The following WWP1 variants were observed in gnomAD, a reference collection of about 807,000 sequenced individuals.
WWP1 encodes NEDD4-like E3 ubiquitin-protein ligase WWP1.
A neutral mutation model predicts 130.6 loss-of-function variants in WWP1; 49 were observed. The observed-to-expected ratio is 0.38, with a 90% CI of 0.30 to 0.48. WWP1 has a LOEUF of 0.48. Among genes scored for constraint, WWP1 ranks in the 20% least tolerant of loss-of-function variants. WWP1 has a pLI of 0.99. For missense variants in WWP1, 809 were observed against 1,100.6 expected (o/e 0.74, Z 3.75); for synonymous variants, 332 against 367.8 (o/e 0.90, Z 1.11).
chr8:86,463,655 A>C (rs1299645491), intron 24 of WWP1, among the ~76,000 whole-genome samples: 1 of 152,034 alleles, frequency 6.6e-6, no homozygotes, highest in African/African-American at 2.4e-5. Context: ...TATATAATTA[A>C]ATGTGTCAAC....
chr8:86,363,723 G>A, intron 1 of WWP1, among the ~76,000 whole-genome samples: 1 of 150,308 alleles, frequency 6.7e-6, no homozygotes, highest in East Asian at 2.0e-4. Context: ...TTGAACCTGG[G>A]AGGCAGAGGT....
At chr8:86,420,356 G>A (rs1344969623) in intron 9 of WWP1, among the ~76,000 whole-genome samples, 1 of 152,114 alleles carries the variant, frequency 6.6e-6, no homozygotes, top group Non-Finnish European at 1.5e-5. Flanking sequence ...AAATGGAAGT[G>A]GAGATAATTT....
chr8:86,401,018 T>G (rs994419188), intron 7 of WWP1, among the ~76,000 whole-genome samples: 1 of 152,026 alleles, frequency 6.6e-6, no homozygotes, highest in African/African-American at 2.4e-5. Context: ...TTTGTTTTTT[T>G]TTTTTTTAAA....
At chr8:86,373,908 G>C (rs1824476778) in intron 2 of WWP1, 122 bp from the exon 3 acceptor site, 1 of 703,364 alleles carries the variant, frequency 1.4e-6, no homozygotes, top group Non-Finnish European at 2.3e-6. Context: ...GATGGTAATA[G>C]GCTTGATAAT....
rs563429029 is a variant in WWP1 at position 86,463,834 on chromosome 8, G to A, written c.2669+1988G>A. Among the ~76,000 whole-genome samples the A allele has an allele frequency of 1.1e-4, 16 of 152,154 alleles. No individual in the cohort carries two copies. In the South Asian group the frequency reaches 2.3e-3, roughly 22 times the overall value. ...CCAGCACTTTGGAAGGCCGAGGTGG[G>A]AGGATCGCTTGAGCTCAGGAGTTCG... On this transcript the variant is annotated intron_variant, in intron 24 of 24. Transcript: ENST00000517970.
chr8:86,405,941 G>A (rs975795159), intron 8 of WWP1, among the ~76,000 whole-genome samples: 1 of 152,108 alleles, frequency 6.6e-6, no homozygotes, highest in South Asian at 2.1e-4. Context: ...TAAGACAAAC[G>A]ATATATTTCT....
At chr8:86,445,976 C>CT (rs56731329) in intron 18 of WWP1, among the ~76,000 whole-genome samples, 900 of 84,984 alleles carry the variant, frequency 0.011, 70 homozygotes, top group Non-Finnish European at 0.016. Context: ...CTTTTCTTTT[C>CT]TTTTTTTTTT....
intron 5 of WWP1, among the ~76,000 whole-genome samples, chr8:86,389,363 C>T (rs973085873): frequency 1.3e-5 from 2 of 152,070 alleles, no homozygotes; most frequent in East Asian, 1.9e-4. Context: ...TGACTCTTAA[C>T]GAGTATGCTG....
chr8:86,410,026 G>A (rs28384362), intron 8 of WWP1, among the ~76,000 whole-genome samples: 22,389 of 151,996 alleles, frequency 0.15, 1,801 homozygotes, highest in Non-Finnish European at 0.19. Context: ...ATCATATGAC[G>A]TTTATCCTTT....
chr8:86,343,277 C>T (rs1256836526), intron 1 of WWP1: 1 of 154,490 alleles, frequency 6.5e-6, no homozygotes, highest in East Asian at 1.9e-4. Context: ...TAACACCTCC[C>T]TGAAAACACA....
At chr8:86,443,786 T>C (rs1810718116) in intron 18 of WWP1, among the ~76,000 whole-genome samples, 1 of 152,210 alleles carries the variant, frequency 6.6e-6, no homozygotes. Flanking sequence ...TGCAGATATC[T>C]TGGAGACTAT....
In WWP1 at chr8:86,381,417, G is replaced by A. The variant is rs983673208; in HGVS notation, c.210-88G>A. On this transcript the variant is annotated intron_variant, in intron 4 of 24. Transcript: ENST00000517970. ...AATTCACGGTTTTTAAAACATTACT[G>A]AAATAAATGCTTTAATAGGAATTGT... is the stretch of plus-strand genomic sequence containing the variant. The A allele has an allele frequency of 1.7e-5, 24 of 1,442,096 alleles. No homozygotes were observed. The African/African-American group carries it at 3.4e-4, about 20-fold the overall frequency. The allele number at this position is 1,442,096 out of a possible 1,614,324, so 89.3% of individuals were successfully genotyped here. A position where few individuals can be genotyped will look rare whatever the true frequency, so the allele number is the denominator to read the frequency against.
intron 9 of WWP1, among the ~76,000 whole-genome samples, chr8:86,424,561 G>A (rs1273004504): frequency 2.6e-5 from 4 of 151,732 alleles, no homozygotes; most frequent in Non-Finnish European, 5.9e-5. Context: ...CCGGCACCTC[G>A]GGAGGCTGAG....
At chr8:86,370,635 A>G (rs1324421857) in intron 2 of WWP1, among the ~76,000 whole-genome samples, 1 of 152,166 alleles carries the variant, frequency 6.6e-6, no homozygotes, top group Non-Finnish European at 1.5e-5. Flanking sequence ...GAAATGAATA[A>G]CAAAAGATGA....
intron 9 of WWP1, among the ~76,000 whole-genome samples, chr8:86,423,661 T>G (rs1349335458): frequency 1.3e-5 from 2 of 152,188 alleles, no homozygotes; most frequent in African/African-American, 2.4e-5. Flanking sequence ...TTTCTCTATC[T>G]TTTCCCCACA....
intron 5 of WWP1, chr8:86,387,126 G>A (rs1825330191): frequency 6.6e-6 from 1 of 152,236 alleles, no homozygotes; most frequent in Admixed American, 6.5e-5. Context: ...AATTTTGTGG[G>A]ATGCCATCAG....
intron 5 of WWP1, among the ~76,000 whole-genome samples, chr8:86,387,400 AC>A (rs1825344282): frequency 6.6e-6 from 1 of 152,110 alleles, no homozygotes; most frequent in African/African-American, 2.4e-5. Flanking sequence ...ACTTGTCTTG[AC>A]CATAATCTTG....
chr8:86,394,916 T>G, intron 5 of WWP1, among the ~76,000 whole-genome samples: 2 of 105,126 alleles, frequency 1.9e-5, no homozygotes, highest in Admixed American at 1.2e-4. Context: ...TGCAAAAAGG[T>G]AGAGGGCTGT....
At chr8:86,364,677 G>C (rs533655799) in intron 1 of WWP1, among the ~76,000 whole-genome samples, 1 of 151,982 alleles carries the variant, frequency 6.6e-6, no homozygotes, top group South Asian at 2.1e-4. Flanking sequence ...ATGGTGGTGC[G>C]TGCCTGTAGT....
Sources: allele counts gnomAD v4.1 joint callset (sites outside exome capture counted in the v4.1 genomes callset), GRCh38; gene constraint gnomAD v4.1.1; transcripts MANE v1.5; gene names NCBI Gene and HGNC (gene_info 2026-07-23, HGNC 2026-07-21).